The following SMPD4 variants were observed in gnomAD, a reference collection of about 807,000 sequenced individuals.
SMPD4 encodes the protein sphingomyelin phosphodiesterase 4, also known as neutral sphingomyelinase 3.
In SMPD4, 58 loss-of-function variants were observed where a neutral mutation model predicts 97.8. That is an observed-to-expected ratio of 0.59 (90% CI 0.48 to 0.74). The LOEUF (loss-of-function observed/expected upper bound fraction) is 0.74, where lower values mean the gene tolerates loss of function less well. SMPD4 is among the 30% of genes least tolerant of loss of function. The pLI is 0.00. For synonymous variants in SMPD4, 388 were observed against 450.0 expected, an observed-to-expected ratio of 0.86 and a Z score of 1.74; for missense variants, 853 against 1,080.5, an observed-to-expected ratio of 0.79 and a Z score of 2.95.
rs1266076063 is a variant in SMPD4, at chr2:130,168,180, T to C, written c.660-590A>G. 3.3e-5 allele frequency among the ~76,000 whole-genome samples: 5 copies of C among 152,202 alleles called. No individual in the cohort carries two copies. In the East Asian group the frequency reaches 9.6e-4, roughly 29 times the overall value. On this transcript the variant is annotated intron_variant, in intron 8 of 19. Transcript: ENST00000680298. The stretch of plus-strand genomic sequence containing the variant: ...TGATCGTACCAACTTCACTCCACCC[T>C]GGGGTGACAGAGCAAGACCCTGTTT...
intron 11 of SMPD4, among the ~76,000 whole-genome samples, chr2:130,160,430 TCA>T (rs1409547856): frequency 1.3e-5 from 2 of 152,238 alleles, no homozygotes; most frequent in African/African-American, 4.8e-5. Flanking sequence ...CCCCCGGCTC[TCA>T]CAGATTCCTC....
intron 17 of SMPD4, 40 bp downstream of exon 17, chr2:130,153,662 G>T (rs1410982326): frequency 6.3e-7 from 1 of 1,599,318 alleles, no homozygotes; most frequent in Non-Finnish European, 8.5e-7. Context: ...TTCAGGGAAG[G>T]GGACCCTGAT....
chr2:130,157,010 G>T (rs571082313), intron 12 of SMPD4, among the ~76,000 whole-genome samples: 14 of 152,274 alleles, frequency 9.2e-5, no homozygotes, highest in Non-Finnish European at 1.9e-4. Flanking sequence ...AATATGAGAT[G>T]CAAGAGATGG....
In SMPD4 at chr2:130,151,438, A is replaced by G; in HGVS notation, c.*1117T>C. On this transcript the variant is annotated 3_prime_UTR_variant, in exon 20 of 20. Coordinates refer to ENST00000680298, the MANE Select transcript of SMPD4 (RefSeq NM_017951.5). ...AGCAAGGACATGTTTATTCAGATCC[A>G]TGGTCGTTACAAGCTTCATTTTTGG... 6.6e-6 allele frequency: 1 copy of G among 151,716 alleles called. No homozygotes were observed. Among genetic ancestry groups the G allele is most frequent in the Non-Finnish European group, 1.5e-5 (1 of 67,978 alleles). 9.4% of individuals were successfully genotyped at this position (151,716 alleles called of 1,614,324 possible).
At position 130,162,425 on chromosome 2, in the gene SMPD4, T is replaced by G. The variant is rs551395003; in HGVS notation, c.865-1153A>C. Among the ~76,000 whole-genome samples, 112 of 151,920 alleles carry G rather than the reference T, an allele frequency of 7.4e-4. 1 individual carries two copies. The highest frequency in any genetic ancestry group is 2.5e-3 in the African/African-American group (104 of 41,368). On this transcript the variant is annotated intron_variant, in intron 10 of 19. Transcript: ENST00000680298. ...TCGCCATGACACGCAGAGCAGGGAG[T>G]GAAGGAGCAGGGCAGGGAGGTGTTG...
chr2:130,173,446 A>G, intron 4 of SMPD4, 68 bp downstream of exon 4: 1 of 1,591,134 alleles, frequency 6.3e-7, no homozygotes, highest in Non-Finnish European at 8.6e-7. Context: ...AGAAATTCAG[A>G]GAGTGCTTTA....
intron 15 of SMPD4, 78 bp from the exon 16 acceptor site, chr2:130,154,560 G>A (rs529241237): frequency 1.9e-6 from 3 of 1,543,162 alleles, no homozygotes; most frequent in South Asian, 2.4e-5. Flanking sequence ...ATTCTGGGGT[G>A]TCTCTGAGGT....
At chr2:130,177,968 G>C (rs1461150387) in intron 1 of SMPD4, among the ~76,000 whole-genome samples, 3 of 152,138 alleles carry the variant, frequency 2.0e-5, no homozygotes, top group African/African-American at 7.2e-5. Context: ...CATCCAATTA[G>C]AGTCCTAAGT....
chr2:130,174,291 G>C (rs546371382), intron 3 of SMPD4, among the ~76,000 whole-genome samples: 1 of 152,188 alleles, frequency 6.6e-6, no homozygotes, highest in Non-Finnish European at 1.5e-5. Flanking sequence ...AAAGTGTTGA[G>C]ATTACAGGCA....
At chr2:130,180,254 C>T (rs541904614) in intron 1 of SMPD4, among the ~76,000 whole-genome samples, 1 of 151,364 alleles carries the variant, frequency 6.6e-6, no homozygotes, top group South Asian at 2.1e-4. Flanking sequence ...TGAGCCACTG[C>T]GCCCGGCCAG....
At chr2:130,164,489 G>A (rs1301541992) in intron 9 of SMPD4, 44 bp from the exon 10 acceptor site, 1 of 1,523,134 alleles carries the variant, frequency 6.6e-7, no homozygotes, top group South Asian at 1.1e-5. Context: ...TGACAATGGT[G>A]TCAGACCATC....
intron 11 of SMPD4, among the ~76,000 whole-genome samples, chr2:130,159,052 T>C (rs558244541): frequency 3.3e-5 from 5 of 152,200 alleles, no homozygotes; most frequent in Non-Finnish European, 5.9e-5. Flanking sequence ...CGCGCTGTAG[T>C]GTCGTGGTCT....
chr2:130,176,944 G>A (rs1305677446), intron 1 of SMPD4, among the ~76,000 whole-genome samples: 1 of 152,168 alleles, frequency 6.6e-6, no homozygotes, highest in Non-Finnish European at 1.5e-5. Context: ...TCCTGCCTTG[G>A]CCTCCTAAGT....
In SMPD4 at chr2:130,172,652, G is replaced by A. The variant is rs1688586266; in HGVS notation, c.480C>T (p.Phe160=). ...ALNPFEYYIF[F]FALSLITQKP... ...TCTGAGTGATGAGGCTCAAGGCAAA[G>A]AAGAATATGTAATACTCGAACGGAT... The change falls in exon 7 of 20, where the codon TTC becomes TTT. Residue 160 remains phenylalanine, a synonymous_variant. Transcript: ENST00000680298. 2.5e-6 allele frequency: 4 copies of A among 1,614,224 alleles called. No homozygotes were observed. Among genetic ancestry groups the A allele is most frequent in the Non-Finnish European group, 3.4e-6 (4 of 1,180,040 alleles).
chr2:130,172,684 G>C lies in SMPD4; in HGVS notation c.455-7C>G. 1 of 1,614,236 alleles carries C rather than the reference G, an allele frequency of 6.2e-7. No individual in the cohort carries two copies. Among genetic ancestry groups the C allele is most frequent in the Non-Finnish European group, 8.5e-7 (1 of 1,180,034 alleles). ...ATGTAATACTCGAACGGATCTGAGAGCAGCGTCAGGGGCAAACATGCAGGG... is the reference window on the plus strand; with the variant it reads ...ATGTAATACTCGAACGGATCTGAGACCAGCGTCAGGGGCAAACATGCAGGG... On this transcript the variant is annotated splice_region_variant and splice_polypyrimidine_tract_variant and intron_variant, in intron 6 of 19. Transcript: ENST00000680298.
intron 2 of SMPD4, among the ~76,000 whole-genome samples, chr2:130,175,383 C>G (rs1191246859): frequency 6.6e-6 from 1 of 152,086 alleles, no homozygotes; most frequent in African/African-American, 2.4e-5. Context: ...TGAGTTTGTA[C>G]GCATCAACTG....
At chr2:130,171,204 A>C (rs1292192496) in intron 8 of SMPD4, among the ~76,000 whole-genome samples, 7 of 150,568 alleles carry the variant, frequency 4.6e-5, no homozygotes, top group Non-Finnish European at 1.0e-4. Context: ...TCCCGGGTTC[A>C]AGCAATTCTC....
At chr2:130,175,288 T>A (rs1483539368) in intron 2 of SMPD4, among the ~76,000 whole-genome samples, 1 of 152,146 alleles carries the variant, frequency 6.6e-6, no homozygotes, top group Non-Finnish European at 1.5e-5. Flanking sequence ...AATCCATAAG[T>A]AGGGGTTGGT....
intron 8 of SMPD4, among the ~76,000 whole-genome samples, chr2:130,169,093 A>G (rs1022224927): frequency 3.9e-5 from 6 of 152,156 alleles, no homozygotes; most frequent in African/African-American, 4.8e-5. Flanking sequence ...TTTTTAACCC[A>G]GTGATAAAAG....
Sources: allele counts gnomAD v4.1 joint callset (sites outside exome capture counted in the v4.1 genomes callset), GRCh38; gene constraint gnomAD v4.1.1; transcripts MANE v1.5; gene names NCBI Gene and HGNC (gene_info 2026-07-23, HGNC 2026-07-21).